The following MOCS2 variants were observed in gnomAD, a reference collection of about 807,000 sequenced individuals.
The protein encoded by MOCS2 is molybdenum cofactor synthesis 2, also known as molybdopterin synthase catalytic subunit.
A neutral mutation model predicts 21.9 loss-of-function variants in MOCS2; 13 were observed. The ratio of observed to expected loss-of-function variants is 0.59; its 90% CI spans 0.39 to 0.94. The LOEUF (loss-of-function observed/expected upper bound fraction) is 0.94, where lower values mean the gene tolerates loss of function less well. MOCS2 is among the 40% of genes least tolerant of loss of function. The pLI, the probability that MOCS2 is intolerant of heterozygous loss-of-function variation, is 0.00. For synonymous variants in MOCS2, 92 were observed against 80.8 expected (o/e 1.14, Z -0.74); for missense variants, 227 against 218.3 (o/e 1.04, Z -0.25).
chr5:53,106,993 T>C (rs1741066714), intron 3 of MOCS2, 84 bp downstream of exon 3: 5 of 1,479,984 alleles, frequency 3.4e-6, no homozygotes, highest in Non-Finnish European at 4.7e-6. Context: ...ACAAAGAATA[T>C]ACATTAACAG....
chr5:53,098,555 T>C lies in MOCS2; in HGVS notation c.*47A>G, dbSNP rs1740815945. On this transcript the variant is annotated 3_prime_UTR_variant, in exon 7 of 7. Transcript: ENST00000396954. The stretch of plus-strand genomic sequence containing the variant: ...AAAAAAATCAAAATGTGATCAATAA[T>C]AATAGTTTAACAAAGTTAAGATTGC... 2 of 1,507,224 alleles carry C rather than the reference T, an allele frequency of 1.3e-6. No individual in the cohort carries two copies. The highest frequency in any genetic ancestry group is 2.3e-5 in the East Asian group (1 of 44,290). 93.4% of individuals were successfully genotyped at this position (1,507,224 alleles called of 1,614,324 possible). A position where few individuals can be genotyped will look rare whatever the true frequency, so the allele number is the denominator to read the frequency against.
intron 5 of MOCS2, chr5:53,101,112 G>T: frequency 1.8e-6 from 1 of 566,984 alleles, no homozygotes; most frequent in Non-Finnish European, 3.1e-6. Flanking sequence ...ATTGTCATAG[G>T]GCCTGCAAGT....
In MOCS2 at chr5:53,107,117, A is replaced by T; in HGVS notation, c.58T>A (p.Ser20Thr). The T allele has an allele frequency of 6.2e-7, 1 of 1,614,108 alleles. No homozygotes were observed. The highest frequency in any genetic ancestry group is 8.5e-7 in the Non-Finnish European group (1 of 1,180,006). Residue 20 changes from serine (S) to threonine (T), a missense_variant, in exon 3 of 7, where the codon TCC becomes ACC. By Grantham distance (58) the Ser-to-Thr change is moderately conservative (BLOSUM62 1). Coordinates refer to ENST00000396954, the MANE Select transcript of MOCS2 (RefSeq NM_004531.5). The part of the protein sequence containing the change: ...CFSLETKLPL[S>T]PPLVEDSAFE... ...GCACTATCCTCCACTAATGGGGGGGATAACGGCAATTTCGTCTCCAGGCTG... is the reference window on the plus strand; with the variant it reads ...GCACTATCCTCCACTAATGGGGGGGTTAACGGCAATTTCGTCTCCAGGCTG...
At chr5:53,109,086 T>C (rs1195017108) in intron 1 of MOCS2, among the ~76,000 whole-genome samples, 165 bp downstream of exon 1, 2 of 152,366 alleles carry the variant, frequency 1.3e-5, no homozygotes, top group African/African-American at 4.8e-5. Context: ...GATTCCGGTC[T>C]GTATAACATC....
At chr5:53,107,672 T>C (rs944113276) in intron 2 of MOCS2, 1 of 159,824 alleles carries the variant, frequency 6.3e-6, no homozygotes, top group Non-Finnish European at 1.4e-5. Flanking sequence ...AAAGATAGCA[T>C]AGGTCATAAA....
rs796560214 is a variant in MOCS2, at chr5:53,109,531, C to T, written c.-450G>A. ...CTGCTGGGGCAGTCGCAGTAAAGCC[C>T]GGAGACAGGAAGGGCCCGGGGGCGG... On this transcript the variant is annotated 5_prime_UTR_variant, in exon 1 of 7. Transcript: ENST00000396954. 2.2e-6 allele frequency: 3 copies of T among 1,376,778 alleles called. No individual in the cohort carries two copies. Among genetic ancestry groups the T allele is most frequent in the East Asian group, 5.5e-5 (2 of 36,412 alleles). 85.3% of individuals were successfully genotyped at this position (1,376,778 alleles called of 1,614,324 possible).
At chr5:53,104,810 G>A (rs187982394) in intron 3 of MOCS2, among the ~76,000 whole-genome samples, 7 of 152,258 alleles carry the variant, frequency 4.6e-5, no homozygotes, top group Admixed American at 4.6e-4. Context: ...ATTTACTCCT[G>A]ATTTTGAATA....
intron 5 of MOCS2, 112 bp from the exon 6 acceptor site, chr5:53,100,646 G>T: frequency 8.9e-7 from 1 of 1,119,652 alleles, no homozygotes; most frequent in Non-Finnish European, 1.3e-6. Context: ...GAATTATACT[G>T]TAGTTCTATT....
chr5:53,101,534 A>C (rs1444274639), intron 4 of MOCS2, 25 bp from the exon 5 acceptor site: 3 of 1,524,404 alleles, frequency 2.0e-6, no homozygotes, highest in Non-Finnish European at 2.7e-6. Context: ...AAAAAGAAAA[A>C]GAAAACAATT....
chr5:53,108,899 A>G (rs1040736919), intron 1 of MOCS2, among the ~76,000 whole-genome samples: 3 of 152,202 alleles, frequency 2.0e-5, no homozygotes, highest in African/African-American at 7.2e-5. Context: ...TTAAAATCCT[A>G]AGTATTTATC....
chr5:53,098,300 A>G lies in MOCS2; in HGVS notation c.*302T>C. 2.6e-6 allele frequency: 1 copy of G among 392,022 alleles called. No homozygotes were observed. The highest frequency in any genetic ancestry group is 4.7e-6 in the Non-Finnish European group (1 of 212,008). 24.3% of individuals were successfully genotyped at this position (392,022 alleles called of 1,614,324 possible). A position where few individuals can be genotyped will look rare whatever the true frequency, so the allele number is the denominator to read the frequency against. Reference sequence around the variant, plus strand: ...AGTCACTGAGGAGGGCCCATACCTCAATGTGTGTTGAGTTACAATTAGAAA... The same window carrying G: ...AGTCACTGAGGAGGGCCCATACCTCGATGTGTGTTGAGTTACAATTAGAAA... On this transcript the variant is annotated 3_prime_UTR_variant, in exon 7 of 7. Transcript: ENST00000396954.
chr5:53,097,603 G>A lies in MOCS2; in HGVS notation c.*999C>T, dbSNP rs1414494634. ...GCTATGTGTTTACCTGAAATTTGCT[G>A]AGAGTAGACCTTAAATATTCTCACC... On this transcript the variant is annotated 3_prime_UTR_variant, in exon 7 of 7. Coordinates refer to ENST00000396954, the MANE Select transcript of MOCS2 (RefSeq NM_004531.5). The A allele has an allele frequency of 6.6e-6, 1 of 152,152 alleles. No individual in the cohort carries two copies. The highest frequency in any genetic ancestry group is 1.9e-4 in the East Asian group (1 of 5,190). 9.4% of individuals were successfully genotyped at this position (152,152 alleles called of 1,614,324 possible). A position where few individuals can be genotyped will look rare whatever the true frequency, so the allele number is the denominator to read the frequency against.
Position 53,098,079 on chromosome 5 carries a change from T to C in MOCS2, c.*523A>G, listed in dbSNP as rs1167734018. On this transcript the variant is annotated 3_prime_UTR_variant, in exon 7 of 7. Coordinates refer to ENST00000396954, the MANE Select transcript of MOCS2 (RefSeq NM_004531.5). ...AAATACTCTTTTTAAACTTTTGAAA[T>C]CATGGGTTTTAGTTTATTATTTTTA... The C allele has an allele frequency of 6.6e-6, 1 of 152,386 alleles. No individual in the cohort carries two copies. Among genetic ancestry groups the C allele is most frequent in the African/African-American group, 2.4e-5 (1 of 41,426 alleles). 9.4% of individuals were successfully genotyped at this position (152,386 alleles called of 1,614,324 possible). A position where few individuals can be genotyped will look rare whatever the true frequency, so the allele number is the denominator to read the frequency against.
intron 3 of MOCS2, among the ~76,000 whole-genome samples, chr5:53,105,170 G>A (rs1741015997): frequency 6.6e-6 from 1 of 151,934 alleles, no homozygotes; most frequent in Non-Finnish European, 1.5e-5. Flanking sequence ...ATTTTCCATG[G>A]CCGGGAGAGC....
intron 2 of MOCS2, chr5:53,107,427 C>T (rs1741081278): frequency 3.6e-6 from 2 of 558,426 alleles, no homozygotes; most frequent in Admixed American, 3.2e-5. Flanking sequence ...AAACTGCTGT[C>T]AACTCTTTAT....
intron 6 of MOCS2, among the ~76,000 whole-genome samples, chr5:53,100,204 A>G (rs1447895050): frequency 1.3e-5 from 2 of 152,202 alleles, no homozygotes; most frequent in Non-Finnish European, 2.9e-5. Flanking sequence ...TCTCACTGTT[A>G]TCACTCATTG....
chr5:53,107,221 TCTA>T lies in MOCS2; in HGVS notation c.-47-3_-47-1del. 1.2e-6 allele frequency: 2 copies of T among 1,611,968 alleles called. No homozygotes were observed. The highest frequency in any genetic ancestry group is 1.7e-6 in the Non-Finnish European group (2 of 1,178,992). ...TTATCTGATTTCTAACATCAGCCAA[TCTA>T]AAGGGGAAAAAATATGACTCAAAGT... On this transcript the variant is annotated splice_acceptor_variant and splice_polypyrimidine_tract_variant and intron_variant, in intron 2 of 6. Transcript: ENST00000396954. LOFTEE classifies it low-confidence loss of function (5UTR_SPLICE).
At chr5:53,099,965 T>C (rs1300995550) in intron 6 of MOCS2, among the ~76,000 whole-genome samples, 2 of 152,156 alleles carry the variant, frequency 1.3e-5, no homozygotes, top group Non-Finnish European at 2.9e-5. Context: ...TTAAATCCAC[T>C]CACTGCATTT....
At chr5:53,108,445 CCTTTTTA>C in intron 2 of MOCS2, 70 bp downstream of exon 2, 1 of 1,306,126 alleles carries the variant, frequency 7.7e-7, no homozygotes, top group Non-Finnish European at 1.1e-6. Context: ...TCGAAATTAA[CCTTTTTA>C]CTTTTATCAT....
Sources: gnomAD v4.1 joint callset for allele counts (sites outside exome capture counted in the v4.1 genomes callset) on GRCh38, gnomAD v4.1.1 for gene constraint, MANE v1.5 for transcripts, NCBI Gene and HGNC (gene_info 2026-07-23, HGNC 2026-07-21) for gene names.